The following FAM174A variants were observed in gnomAD, a reference collection of about 807,000 sequenced individuals.
The protein encoded by FAM174A is family with sequence similarity 174 member A, also known as membrane protein FAM174A.
Under a neutral mutation model 14.3 loss-of-function variants are expected in FAM174A, and 14 were observed. The ratio of observed to expected loss-of-function variants is 0.98; its 90% CI spans 0.65 to 1.53. The LOEUF (loss-of-function observed/expected upper bound fraction) is 1.53. Ranked by LOEUF, FAM174A falls within the 40% of genes most tolerant of loss-of-function variation. The probability of loss-of-function intolerance (pLI) is 0.00; values close to 1 mark genes in which losing one functional copy is unlikely to be tolerated. For synonymous variants in FAM174A, 108 were observed against 111.4 expected, an observed-to-expected ratio of 0.97 and a Z score of 0.19; for missense variants, 241 against 249.6, an observed-to-expected ratio of 0.97 and a Z score of 0.23.
At chr5:100,543,966 G>C (rs950740097) in intron 1 of FAM174A, among the ~76,000 whole-genome samples, 1 of 152,080 alleles carries the variant, frequency 6.6e-6, no homozygotes, top group Non-Finnish European at 1.5e-5. Flanking sequence ...ATAATAGGTG[G>C]TTCTGTTTCT....
At chr5:100,546,350 A>G (rs73774432) in intron 1 of FAM174A, among the ~76,000 whole-genome samples, 71 of 152,256 alleles carry the variant, frequency 4.7e-4, no homozygotes, top group African/African-American at 1.7e-3. Flanking sequence ...CCTAGTCATG[A>G]GCCTACTATG....
intron 1 of FAM174A, 28 bp downstream of exon 1, chr5:100,535,992 C>T (rs185049199): frequency 0.013 from 19,790 of 1,531,944 alleles, 176 homozygotes; most frequent in Middle Eastern, 0.025. Context: ...TGGGGCACCC[C>T]CGTGGGCCTG....
chr5:100,581,329 A>G (rs1019378050), intron 2 of FAM174A: 38 of 975,436 alleles, frequency 3.9e-5, no homozygotes, highest in Non-Finnish European at 4.3e-5. Flanking sequence ...TACCATATTG[A>G]TTCTCCACTT....
chr5:100,559,266 C>T (rs1052121471), intron 1 of FAM174A, among the ~76,000 whole-genome samples: 5 of 152,092 alleles, frequency 3.3e-5, no homozygotes, highest in Non-Finnish European at 7.4e-5. Flanking sequence ...AATATTGGCC[C>T]CCACTATCTT....
intron 1 of FAM174A, among the ~76,000 whole-genome samples, chr5:100,545,004 T>A (rs1746135888): frequency 6.6e-6 from 1 of 152,252 alleles, no homozygotes; most frequent in Admixed American, 6.5e-5. Flanking sequence ...TCTGACTAGA[T>A]GGTCCTTATG....
chr5:100,543,655 T>C (rs1182957470), intron 1 of FAM174A, among the ~76,000 whole-genome samples: 1 of 151,220 alleles, frequency 6.6e-6, no homozygotes, highest in East Asian at 2.0e-4. Context: ...AGTGGCACAG[T>C]CTTAGCTCAC....
chr5:100,548,718 G>A (rs1184081651), intron 1 of FAM174A, among the ~76,000 whole-genome samples: 1 of 152,092 alleles, frequency 6.6e-6, no homozygotes, highest in Admixed American at 6.6e-5. Context: ...ATTGTTATGA[G>A]AATCAGATAA....
At chr5:100,572,772 T>C (rs1580376178) in intron 2 of FAM174A, among the ~76,000 whole-genome samples, 1 of 152,176 alleles carries the variant, frequency 6.6e-6, no homozygotes, top group South Asian at 2.1e-4. Flanking sequence ...TACCCAGTAA[T>C]GGGATGGCTG....
At chr5:100,554,342 G>T (rs1746320841) in intron 1 of FAM174A, among the ~76,000 whole-genome samples, 1 of 117,048 alleles carries the variant, frequency 8.5e-6, no homozygotes, top group East Asian at 2.6e-4. Flanking sequence ...TTGAGACAGA[G>T]TCTTCACTCT....
intron 2 of FAM174A, among the ~76,000 whole-genome samples, chr5:100,567,221 T>C (rs1746673535): frequency 6.6e-6 from 1 of 151,882 alleles, no homozygotes; most frequent in Non-Finnish European, 1.5e-5. Flanking sequence ...CAAAACTTCT[T>C]TAATATATAT....
chr5:100,548,450 A>G (rs1746202222), intron 1 of FAM174A, among the ~76,000 whole-genome samples: 2 of 152,124 alleles, frequency 1.3e-5, no homozygotes, highest in African/African-American at 4.8e-5. Context: ...ATATGGCTCA[A>G]CTAAAACAAT....
chr5:100,555,970 G>A (rs144788547), intron 1 of FAM174A, among the ~76,000 whole-genome samples: 2 of 152,060 alleles, frequency 1.3e-5, no homozygotes, highest in South Asian at 2.1e-4. Context: ...GTCAATTTTG[G>A]CTTTTGTTGC....
chr5:100,571,523 G>A (rs1746778380), intron 2 of FAM174A, among the ~76,000 whole-genome samples: 1 of 149,346 alleles, frequency 6.7e-6, no homozygotes, highest in South Asian at 2.1e-4. Context: ...GCTTTTCCTT[G>A]TGATTATTTA....
At chr5:100,578,462 G>A (rs6859625) in intron 2 of FAM174A, among the ~76,000 whole-genome samples, 9,015 of 152,066 alleles carry the variant, frequency 0.059, 893 homozygotes, top group African/African-American at 0.2. Flanking sequence ...TTAATTGAAA[G>A]CTATTTATTT....
At chr5:100,561,894 T>G (rs186501918) in intron 1 of FAM174A, among the ~76,000 whole-genome samples, 160 bp from the exon 2 acceptor site, 1 of 152,038 alleles carries the variant, frequency 6.6e-6, no homozygotes, top group Non-Finnish European at 1.5e-5. Flanking sequence ...TTTTGTTTCA[T>G]GAAGTTTAAT....
At chr5:100,573,026 G>GT (rs1746824079) in intron 2 of FAM174A, among the ~76,000 whole-genome samples, 1 of 152,008 alleles carries the variant, frequency 6.6e-6, no homozygotes, top group African/African-American at 2.4e-5. Context: ...TTTTTCATGT[G>GT]TTTTTTGGCT....
chr5:100,538,517 A>G (rs577853746), intron 1 of FAM174A, among the ~76,000 whole-genome samples: 1 of 152,098 alleles, frequency 6.6e-6, no homozygotes, highest in Non-Finnish European at 1.5e-5. Context: ...ACATATATAT[A>G]TATATGTAAG....
intron 2 of FAM174A, among the ~76,000 whole-genome samples, chr5:100,569,946 G>A (rs765055192): frequency 2.0e-5 from 3 of 151,902 alleles, no homozygotes; most frequent in African/African-American, 7.2e-5. Flanking sequence ...TCTTCTCTAA[G>A]CCAGATTTAC....
intron 1 of FAM174A, among the ~76,000 whole-genome samples, chr5:100,556,354 A>G (rs1392036543): frequency 2.0e-5 from 3 of 152,106 alleles, no homozygotes; most frequent in Non-Finnish European, 4.4e-5. Flanking sequence ...GCCTTGTAGT[A>G]TAGTTTGAAG....
Sources: allele counts gnomAD v4.1 joint callset (sites outside exome capture counted in the v4.1 genomes callset), GRCh38; gene constraint gnomAD v4.1.1; transcripts MANE v1.5; gene names NCBI Gene and HGNC (gene_info 2026-07-23, HGNC 2026-07-21).